The following ERBB4 variants were observed in gnomAD, a reference collection of about 807,000 sequenced individuals.
The protein encoded by ERBB4 is erb-b2 receptor tyrosine kinase 4.
A neutral mutation model predicts 158.0 loss-of-function variants in ERBB4; 42 were observed. That is an observed-to-expected ratio of 0.27 (90% CI 0.21 to 0.34). The LOEUF is 0.34. Among genes scored for constraint, ERBB4 ranks in the 10% least tolerant of loss-of-function variants. The pLI, the probability that ERBB4 is intolerant of heterozygous loss-of-function variation, is 1.00. For missense variants in ERBB4, 1,333 were observed against 1,624.1 expected (o/e 0.82, Z 3.08); for synonymous variants, 583 against 558.7 (o/e 1.04, Z -0.61).
intron 3 of ERBB4, among the ~76,000 whole-genome samples, chr2:211,895,990 T>G (rs1386596251): frequency 6.6e-6 from 1 of 152,166 alleles, no homozygotes; most frequent in Non-Finnish European, 1.5e-5. Flanking sequence ...TCCTTTGGTC[T>G]CCCTTAGTGT....
At chr2:212,276,671 T>C (rs2085548189) in intron 1 of ERBB4, among the ~76,000 whole-genome samples, 1 of 151,820 alleles carries the variant, frequency 6.6e-6, no homozygotes, top group Non-Finnish European at 1.5e-5. Context: ...AGGGCCAAAA[T>C]GTGCTCGCTA....
At chr2:211,462,396 A>G (rs2064560212) in intron 20 of ERBB4, among the ~76,000 whole-genome samples, 1 of 152,134 alleles carries the variant, frequency 6.6e-6, no homozygotes, top group East Asian at 1.9e-4. Context: ...GAGTGATTGT[A>G]TGTTATTTTT....
In ERBB4 at chr2:212,242,866, G is replaced by T. The variant is rs1034656684; in HGVS notation, c.83-117963C>A. 2.0e-5 allele frequency among the ~76,000 whole-genome samples: 3 copies of T among 152,162 alleles called. No homozygotes were observed. The East Asian group carries it at 5.8e-4, about 29-fold the overall frequency. Reference sequence around the variant, plus strand: ...GGATATGGCAGCCTTCCACACTGTGGTCTGATTGCATTAGACCAAGTACGG... The same window carrying T: ...GGATATGGCAGCCTTCCACACTGTGTTCTGATTGCATTAGACCAAGTACGG... On this transcript the variant is annotated intron_variant, in intron 1 of 27. Transcript: ENST00000342788.
intron 1 of ERBB4, among the ~76,000 whole-genome samples, chr2:212,394,187 T>C (rs1196469056): frequency 1.3e-5 from 2 of 152,128 alleles, no homozygotes; most frequent in African/African-American, 2.4e-5. Flanking sequence ...TGTACAAATG[T>C]AGTCTGAAAG....
At chr2:211,397,429 G>A (rs1168205174) in intron 25 of ERBB4, among the ~76,000 whole-genome samples, 1 of 152,032 alleles carries the variant, frequency 6.6e-6, no homozygotes, top group Non-Finnish European at 1.5e-5. Context: ...AAAAAATGAA[G>A]CAAAAAATGA....
chr2:212,066,005 T>C (rs1235164847), intron 2 of ERBB4, among the ~76,000 whole-genome samples: 1 of 152,002 alleles, frequency 6.6e-6, no homozygotes, highest in Non-Finnish European at 1.5e-5. Flanking sequence ...TTGAGTTAAA[T>C]ATCATGCCAG....
chr2:212,398,698 G>A (rs1196844569), intron 1 of ERBB4, among the ~76,000 whole-genome samples: 1 of 152,008 alleles, frequency 6.6e-6, no homozygotes, highest in Non-Finnish European at 1.5e-5. Flanking sequence ...GCATTTAAAA[G>A]AAGGATAATT....
chr2:211,975,503 T>C (rs2081580771), intron 2 of ERBB4, among the ~76,000 whole-genome samples: 1 of 152,116 alleles, frequency 6.6e-6, no homozygotes, highest in African/African-American at 2.4e-5. Flanking sequence ...GAAAGACATA[T>C]GGTTAAAAGA....
intron 3 of ERBB4, among the ~76,000 whole-genome samples, chr2:211,801,166 T>C (rs2076490819): frequency 6.6e-6 from 1 of 152,144 alleles, no homozygotes; most frequent in South Asian, 2.1e-4. Context: ...CATTATTAAT[T>C]CAAATAAATG....
intron 1 of ERBB4, among the ~76,000 whole-genome samples, chr2:212,136,232 T>C (rs2125594677): frequency 6.6e-6 from 1 of 152,336 alleles, no homozygotes; most frequent in East Asian, 1.9e-4. Flanking sequence ...TCTTAAGCAT[T>C]GATAAAGATG....
intron 1 of ERBB4, among the ~76,000 whole-genome samples, chr2:212,211,465 G>C (rs79988165): frequency 6.6e-6 from 1 of 152,014 alleles, no homozygotes; most frequent in East Asian, 1.9e-4. Flanking sequence ...TGTGTCCTTA[G>C]TGCTTAGCTC....
chr2:211,659,043 A>G (rs986725876), intron 15 of ERBB4, among the ~76,000 whole-genome samples: 4 of 152,108 alleles, frequency 2.6e-5, no homozygotes, highest in Non-Finnish European at 5.9e-5. Flanking sequence ...CAAATTTGAA[A>G]AAGCAGCTTA....
At chr2:211,887,132 GGTCCACTCCCCC>G (rs2078823202) in intron 3 of ERBB4, among the ~76,000 whole-genome samples, 1 of 151,704 alleles carries the variant, frequency 6.6e-6, no homozygotes, top group Non-Finnish European at 1.5e-5. Flanking sequence ...CCCTGTAATA[GGTCCACTCCCCC>G]AAATCAGGCT....
chr2:211,583,685 A>G (rs1407525966), intron 19 of ERBB4, among the ~76,000 whole-genome samples: 1 of 151,752 alleles, frequency 6.6e-6, no homozygotes, highest in African/African-American at 2.4e-5. Flanking sequence ...TAAAAAATGC[A>G]AGAGTAATGA....
chr2:211,842,497 A>G (rs2077494652), intron 3 of ERBB4, among the ~76,000 whole-genome samples: 1 of 151,970 alleles, frequency 6.6e-6, no homozygotes, highest in South Asian at 2.1e-4. Flanking sequence ...GGTAGTCTCA[A>G]ATAACACATT....
At chr2:212,280,022 G>A (rs1006942093) in intron 1 of ERBB4, among the ~76,000 whole-genome samples, 1 of 151,456 alleles carries the variant, frequency 6.6e-6, no homozygotes, top group African/African-American at 2.4e-5. Flanking sequence ...ATCTGCAATT[G>A]AATTGCAATG....
chr2:212,441,703 G>A (rs2092257593), intron 1 of ERBB4, among the ~76,000 whole-genome samples: 1 of 150,558 alleles, frequency 6.6e-6, no homozygotes, highest in Admixed American at 6.6e-5. Flanking sequence ...AAAAAAAAAA[G>A]GTTCTAATAG....
chr2:212,064,990 T>G (rs1299579157), intron 2 of ERBB4, among the ~76,000 whole-genome samples: 5 of 13,636 alleles, frequency 3.7e-4, no homozygotes, highest in Admixed American at 1.9e-3. Flanking sequence ...ATCTTTATGG[T>G]GTGTGTGTGT....
intron 1 of ERBB4, among the ~76,000 whole-genome samples, chr2:212,459,775 G>GAAAT (rs1393105953): frequency 6.6e-6 from 1 of 152,132 alleles, no homozygotes; most frequent in Non-Finnish European, 1.5e-5. Context: ...AGAGAACACA[G>GAAAT]AAATAAATCC....
Sources: gnomAD v4.1 joint callset for allele counts (sites outside exome capture counted in the v4.1 genomes callset) on GRCh38, gnomAD v4.1.1 for gene constraint, MANE v1.5 for transcripts, NCBI Gene and HGNC (gene_info 2026-07-23, HGNC 2026-07-21) for gene names.